The following KCNK10 variants were observed in gnomAD, a reference collection of about 807,000 sequenced individuals.
KCNK10 encodes potassium two pore domain channel subfamily K member 10, also known as potassium channel subfamily K member 10.
In KCNK10, 25 loss-of-function variants were observed where a neutral mutation model predicts 47.7. The ratio of observed to expected loss-of-function variants is 0.52; its 90% CI spans 0.38 to 0.73. The LOEUF (loss-of-function observed/expected upper bound fraction) is 0.73, where lower values mean the gene tolerates loss of function less well. KCNK10 is among the 30% of genes least tolerant of loss of function. KCNK10 has a pLI of 0.00. For synonymous variants in KCNK10, 303 were observed against 285.6 expected (o/e 1.06, Z -0.61); for missense variants, 563 against 714.5 (o/e 0.79, Z 2.42).
At chr14:88,323,320 C>G (rs1354049854), upstream of KCNK10, 1 of 982,942 alleles carries the variant, frequency 1.0e-6, no homozygotes, top group Non-Finnish European at 1.2e-6. Context: ...ACGCCCCACC[C>G]CGGCCGCGGC....
rs1165096852 is a variant in KCNK10, at chr14:88,263,194, C to T, written c.402+8G>A. On this transcript the variant is annotated splice_region_variant and intron_variant, in intron 2 of 6. Coordinates refer to ENST00000319231, the MANE Select transcript of KCNK10 (RefSeq NM_138317.3). The stretch of plus-strand genomic sequence containing the variant: ...AGCTGGCCTAAGATGGACTCACTCC[C>T]TGCTCACCTGGATCAACGTCTCCAG... 1.2e-6 allele frequency: 2 copies of T among 1,609,250 alleles called. No individual in the cohort carries two copies. Among genetic ancestry groups the T allele is most frequent in the African/African-American group, 2.7e-5 (2 of 74,866 alleles).
At chr14:88,204,242 G>A (rs1490623866) in intron 4 of KCNK10, among the ~76,000 whole-genome samples, 2 of 152,144 alleles carry the variant, frequency 1.3e-5, no homozygotes, top group African/African-American at 2.4e-5. Context: ...AGGTTCCCTC[G>A]AGAAATAACA....
chr14:88,187,157 C>G (rs1424416014), intron 6 of KCNK10, among the ~76,000 whole-genome samples: 1 of 152,090 alleles, frequency 6.6e-6, no homozygotes, highest in East Asian at 1.9e-4. Flanking sequence ...AGCATATGGG[C>G]CCAGGAAACT....
intron 1 of KCNK10, among the ~76,000 whole-genome samples, chr14:88,282,956 C>T (rs1393447332): frequency 6.6e-6 from 1 of 152,202 alleles, no homozygotes; most frequent in East Asian, 1.9e-4. Flanking sequence ...TGTACCCCTA[C>T]CTCTTACAAC....
At chr14:88,310,511 G>A (rs1009712049) in intron 1 of KCNK10, among the ~76,000 whole-genome samples, 2 of 152,022 alleles carry the variant, frequency 1.3e-5, no homozygotes, top group African/African-American at 4.8e-5. Flanking sequence ...CTGTGGAGAG[G>A]GACTTTATAG....
intron 4 of KCNK10, among the ~76,000 whole-genome samples, chr14:88,192,897 T>C (rs1185307257): frequency 1.3e-5 from 2 of 152,218 alleles, no homozygotes; most frequent in African/African-American, 4.8e-5. Flanking sequence ...AAAAAAATTA[T>C]CTGAGTCAGG....
intron 4 of KCNK10, among the ~76,000 whole-genome samples, chr14:88,217,657 C>A (rs375917669): frequency 3.3e-5 from 5 of 152,124 alleles, no homozygotes; most frequent in African/African-American, 9.7e-5. Context: ...TAGACTCAAG[C>A]AATCCTCATT....
rs1884566696 is a variant in KCNK10, at chr14:88,186,504, T to C, written c.1012-349A>G. Among the ~76,000 whole-genome samples the C allele has an allele frequency of 6.6e-6, 1 of 152,164 alleles. No homozygotes were observed. The highest frequency in any genetic ancestry group is 1.9e-4 in the East Asian group (1 of 5,184). ...TTCCAGCTCTCTCTTATCAATTGCA[T>C]GGCCTCATTCCCCCAACATACACTT... On this transcript the variant is annotated intron_variant, in intron 6 of 6. Coordinates refer to ENST00000319231, the MANE Select transcript of KCNK10 (RefSeq NM_138317.3). The surrounding 1 kb of genome is among the most constrained non-coding windows in gnomAD (Gnocchi z 5.5).
chr14:88,313,408 G>A (rs2139802255), intron 1 of KCNK10, among the ~76,000 whole-genome samples: 1 of 152,320 alleles, frequency 6.6e-6, no homozygotes, highest in East Asian at 1.9e-4. Context: ...AAAGAACGTG[G>A]TGGTGGTAAC....
chr14:88,260,003 C>T lies in KCNK10; in HGVS notation c.402+3199G>A, dbSNP rs1887064648. Among the ~76,000 whole-genome samples the T allele has an allele frequency of 6.6e-6, 1 of 152,062 alleles. No homozygotes were observed. The highest frequency in any genetic ancestry group is 1.5e-5 in the Non-Finnish European group (1 of 68,028). On this transcript the variant is annotated intron_variant, in intron 2 of 6. Transcript: ENST00000319231. This position sits in a 1 kb window ranked among gnomAD's most constrained non-coding sequence, Gnocchi z 4.5. ...TGATGCCTAGGCTGGAGTGCAGTGGCATGATCTCGGCTCACTGCAACCTCT... is the reference window on the plus strand; with the variant it reads ...TGATGCCTAGGCTGGAGTGCAGTGGTATGATCTCGGCTCACTGCAACCTCT...
chr14:88,252,895 ATGTTGTTTGAG>A (rs1886839658), intron 2 of KCNK10, among the ~76,000 whole-genome samples: 1 of 152,162 alleles, frequency 6.6e-6, no homozygotes, highest in Admixed American at 6.5e-5. Flanking sequence ...CCTGCTCATC[ATGTTGTTTGAG>A]TGGGTTTTCC....
chr14:88,285,343 C>T (rs1345146504), intron 1 of KCNK10, among the ~76,000 whole-genome samples: 3 of 152,142 alleles, frequency 2.0e-5, no homozygotes, highest in Non-Finnish European at 4.4e-5. Flanking sequence ...AACTCCTGAC[C>T]TCAAGTGATC....
chr14:88,220,096 G>C (rs918158739), intron 4 of KCNK10, among the ~76,000 whole-genome samples: 1 of 152,136 alleles, frequency 6.6e-6, no homozygotes, highest in Admixed American at 6.5e-5. Context: ...AAAAATTGGA[G>C]GACTGACACT....
At chr14:88,290,244 G>T (rs1302630950) in intron 1 of KCNK10, among the ~76,000 whole-genome samples, 3 of 152,102 alleles carry the variant, frequency 2.0e-5, no homozygotes, top group Non-Finnish European at 2.9e-5. Flanking sequence ...AGATGCAAAG[G>T]TTACAGTGGT....
intron 4 of KCNK10, among the ~76,000 whole-genome samples, chr14:88,221,318 A>ATAG (rs1885802992): frequency 6.6e-6 from 1 of 150,466 alleles, no homozygotes; most frequent in Non-Finnish European, 1.5e-5. Context: ...AATAATAATA[A>ATAG]TAATAATAAT....
chr14:88,180,741 G>A lies in KCNK10; in HGVS notation c.*4794C>T, dbSNP rs1207068881. 7.5e-6 allele frequency: 3 copies of A among 398,608 alleles called. No homozygotes were observed. The allele number at this position is 398,608 out of a possible 1,614,324, so 24.7% of individuals were successfully genotyped here. On this transcript the variant is annotated 3_prime_UTR_variant, in exon 7 of 7. Transcript: ENST00000319231. ...ATGTCAACTGACTTAGGGCAGGCAT[G>A]AGAGAACTGAGGTTTACATGGAGTA...
Position 88,240,814 on chromosome 14 carries a change from G to C in KCNK10, c.409C>G (p.Leu137Val), listed in dbSNP as rs1205420936. 3 of 1,600,404 alleles carry C rather than the reference G, an allele frequency of 1.9e-6. No individual in the cohort carries two copies. The highest frequency in any genetic ancestry group is 2.2e-5 in the East Asian group (1 of 44,792). ...QELETLIQHALDADNAGVSPI... is the reference protein window; with the variant it reads ...QELETLIQHAVDADNAGVSPI... ...CTGACTCCCGCATTGTCAGCATCAA[G>C]AGCATGCTGCAAAGAAAGGGAAAAA... The change falls in exon 3 of 7, where the codon CTT (leucine) becomes GTT (valine). Residue 137 changes from leucine (L) to valine (V), a missense_variant. Transcript: ENST00000319231.
intron 1 of KCNK10, among the ~76,000 whole-genome samples, chr14:88,298,214 C>T (rs1028078882): frequency 6.6e-6 from 1 of 152,144 alleles, no homozygotes; most frequent in Non-Finnish European, 1.5e-5. Flanking sequence ...GGACACAGTA[C>T]CCTTGTACAA....
chr14:88,324,819 C>T (rs1888628216), upstream of KCNK10, among the ~76,000 whole-genome samples: 1 of 152,172 alleles, frequency 6.6e-6, no homozygotes, highest in Admixed American at 6.5e-5. Flanking sequence ...ATCCATCCGT[C>T]ACTATCACAT....
Sources: allele counts gnomAD v4.1 joint callset (sites outside exome capture counted in the v4.1 genomes callset), GRCh38; gene constraint gnomAD v4.1.1; non-coding constraint Gnocchi (gnomAD v3.1); transcripts MANE v1.5; gene names NCBI Gene and HGNC (gene_info 2026-07-23, HGNC 2026-07-21).